Variants in DACH2 observed in about 807,000 individuals in gnomAD.
DACH2 encodes the protein dachshund homolog 2.
DACH2 carries 17 observed loss-of-function variants against 35.8 expected under a neutral mutation model. The ratio of observed to expected loss-of-function variants is 0.48; its 90% CI spans 0.33 to 0.71. DACH2 has a LOEUF of 0.71. DACH2 is among the 30% of genes least tolerant of loss of function. The probability of loss-of-function intolerance (pLI) is 0.02; values close to 1 mark genes in which losing one functional copy is unlikely to be tolerated. For synonymous variants in DACH2, 195 were observed against 177.3 expected, an observed-to-expected ratio of 1.10 and a Z score of -0.79; for missense variants, 469 against 472.7, an observed-to-expected ratio of 0.99 and a Z score of 0.07.
chrX:86,520,067 C>T lies in DACH2; in HGVS notation c.640+5676C>T, dbSNP rs140335906. 4.4e-3 allele frequency among the ~76,000 whole-genome samples: 487 copies of T among 111,037 alleles called. 3 individuals carry two copies. The highest frequency in any genetic ancestry group is 0.015 in the African/African-American group (466 of 30,583). On this transcript the variant is annotated intron_variant, in intron 3 of 11. Transcript: ENST00000373125. ...GTGGTATGAATTTTCCTCTTAATAC[C>T]GCCTTAGCTTTGTCCCAGAGATTCT...
Position 86,596,571 on chromosome X carries a change from A to C in DACH2, c.641-54465A>C, listed in dbSNP as rs190733071. 2.9e-4 allele frequency among the ~76,000 whole-genome samples: 32 copies of C among 110,377 alleles called. 1 individual carries two copies. In the East Asian group the frequency reaches 8.4e-3, roughly 29 times the overall value. On this transcript the variant is annotated intron_variant, in intron 3 of 11. Transcript: ENST00000373125. ...ATTACTTAATTGGTTTAATTATTTA[A>C]TTTTTTGTCTTTTTTTAAGTTATTA...
intron 1 of DACH2, among the ~76,000 whole-genome samples, chrX:86,370,676 T>C (rs2035874378): frequency 9.0e-6 from 1 of 111,664 alleles, no homozygotes; most frequent in South Asian, 3.7e-4. Flanking sequence ...TAGCATTAAG[T>C]GATCTAAAAT....
chrX:86,346,846 C>A (rs766606232), intron 1 of DACH2, among the ~76,000 whole-genome samples: 1 of 111,279 alleles, frequency 9.0e-6, no homozygotes, highest in African/African-American at 3.3e-5. Flanking sequence ...ACCCTCTGTG[C>A]CTTTATACAT....
chrX:86,294,439 C>A (rs2034393345), intron 1 of DACH2, among the ~76,000 whole-genome samples: 1 of 110,753 alleles, frequency 9.0e-6, no homozygotes, highest in African/African-American at 3.3e-5. Context: ...AAGTCATTAT[C>A]CATCCAGCTT....
chrX:86,283,911 T>C (rs762125110), intron 1 of DACH2, among the ~76,000 whole-genome samples: 3,593 of 104,560 alleles, frequency 0.034, 144 homozygotes, highest in African/African-American at 0.13. Context: ...CACACACACA[T>C]ATATATATAT....
At chrX:86,259,034 T>C (rs2033576881) in intron 1 of DACH2, among the ~76,000 whole-genome samples, 1 of 111,891 alleles carries the variant, frequency 8.9e-6, no homozygotes, top group Non-Finnish European at 1.9e-5. Context: ...AACATGAACA[T>C]TTAAAAATGA....
At chrX:86,250,585 T>C (rs2033379201) in intron 1 of DACH2, among the ~76,000 whole-genome samples, 1 of 111,683 alleles carries the variant, frequency 9.0e-6, no homozygotes, top group Admixed American at 9.5e-5. Flanking sequence ...CATATTTTCA[T>C]ATTTTCTTCA....
intron 2 of DACH2, among the ~76,000 whole-genome samples, chrX:86,512,417 T>C (rs1364177457): frequency 4.5e-5 from 5 of 111,393 alleles, no homozygotes; most frequent in Non-Finnish European, 9.4e-5. Context: ...TAGTGAGAAT[T>C]GACCAAGAAA....
At chrX:86,300,628 A>G (rs938750840) in intron 1 of DACH2, among the ~76,000 whole-genome samples, 1 of 111,354 alleles carries the variant, frequency 9.0e-6, no homozygotes, top group Non-Finnish European at 1.9e-5. Context: ...TGGCACATGT[A>G]TACATATGTA....
At chrX:86,371,024 T>C (rs1014682983) in intron 1 of DACH2, among the ~76,000 whole-genome samples, 6 of 111,406 alleles carry the variant, frequency 5.4e-5, no homozygotes, top group Non-Finnish European at 9.5e-5. Flanking sequence ...TTTGATATTC[T>C]TTGTTTTTGT....
chrX:86,152,934 A>T (rs1411277787), intron 1 of DACH2, among the ~76,000 whole-genome samples: 1 of 111,779 alleles, frequency 8.9e-6, no homozygotes, highest in African/African-American at 3.2e-5. Context: ...TATGCAATAG[A>T]TTTTTCTTAC....
At chrX:86,292,982 G>C (rs1473762899) in intron 1 of DACH2, among the ~76,000 whole-genome samples, 1 of 100,729 alleles carries the variant, frequency 9.9e-6, no homozygotes, top group East Asian at 3.1e-4. Flanking sequence ...GGGTATCCTT[G>C]TTGACTTTCT....
At chrX:86,252,687 G>A (rs1168267167) in intron 1 of DACH2, among the ~76,000 whole-genome samples, 1 of 111,115 alleles carries the variant, frequency 9.0e-6, no homozygotes, top group East Asian at 2.8e-4. Context: ...TCTCTATTTT[G>A]TTCCATTAGT....
intron 1 of DACH2, among the ~76,000 whole-genome samples, chrX:86,289,227 T>C (rs1336848503): frequency 3.7e-5 from 4 of 106,851 alleles, no homozygotes; most frequent in Non-Finnish European, 5.7e-5. Flanking sequence ...CAGTGCCCTA[T>C]TCTGCTGTGG....
intron 6 of DACH2, among the ~76,000 whole-genome samples, chrX:86,720,316 G>A (rs1405002964): frequency 1.8e-5 from 2 of 110,771 alleles, no homozygotes; most frequent in Admixed American, 1.9e-4. Context: ...GGGACTCAAG[G>A]CAAGTTCCTT....
intron 3 of DACH2, among the ~76,000 whole-genome samples, chrX:86,626,631 C>T (rs2040141502): frequency 8.8e-6 from 1 of 113,171 alleles, no homozygotes; most frequent in Admixed American, 9.2e-5. Context: ...TTCTGTACAT[C>T]CTCTGAAATC....
intron 3 of DACH2, among the ~76,000 whole-genome samples, chrX:86,532,079 G>T (rs2038729429): frequency 8.8e-6 from 1 of 113,039 alleles, no homozygotes. Flanking sequence ...CCAATTTGGA[G>T]TGGGAACATT....
chrX:86,266,257 G>C (rs1296257056), intron 1 of DACH2, among the ~76,000 whole-genome samples: 1 of 111,128 alleles, frequency 9.0e-6, no homozygotes, highest in East Asian at 2.8e-4. Context: ...CATGCTGCTT[G>C]TCCAGAGACC....
intron 11 of DACH2, chrX:86,830,054 CA>C: frequency 9.0e-6 from 1 of 111,522 alleles, no homozygotes; most frequent in African/African-American, 3.3e-5. Flanking sequence ...ATGAAGCGAG[CA>C]CACTGGGTCT....
Sources: gnomAD v4.1 joint callset for allele counts (sites outside exome capture counted in the v4.1 genomes callset) on GRCh38, gnomAD v4.1.1 for gene constraint, MANE v1.5 for transcripts, NCBI Gene and HGNC (gene_info 2026-07-23, HGNC 2026-07-21) for gene names.